MCTP2: variants seen among roughly 807,000 people sequenced by gnomAD.
The protein encoded by MCTP2 is multiple C2 and transmembrane domain-containing protein 2.
Under a neutral mutation model 111.6 loss-of-function variants are expected in MCTP2, and 132 were observed. That is an observed-to-expected ratio of 1.18 (90% CI 1.03 to 1.37). MCTP2 has a LOEUF of 1.37. Among genes scored for constraint, MCTP2 ranks in the 40% most tolerant of loss-of-function variants. MCTP2 has a pLI of 0.00. For missense variants in MCTP2, 1,183 were observed against 1,067.9 expected (o/e 1.11, Z -1.50); for synonymous variants, 395 against 387.7 (o/e 1.02, Z -0.22).
rs1322848912 is a variant in MCTP2, at chr15:94,402,035, T to A, written c.2085+16T>A. On this transcript the variant is annotated intron_variant, in intron 17 of 22. Transcript: ENST00000357742. Reference sequence around the variant, plus strand: ...AGCATTCGCGGTAAGCTTCCTTTCTTATGTTCAAACTATTTGCTTCTTATT... The same window carrying A: ...AGCATTCGCGGTAAGCTTCCTTTCTAATGTTCAAACTATTTGCTTCTTATT... The A allele has an allele frequency of 5.6e-6, 9 of 1,608,258 alleles. No individual in the cohort carries two copies. The highest frequency in any genetic ancestry group is 1.3e-5 in the African/African-American group (1 of 74,564).
chr15:94,473,679 T>C (rs927376455), intron 21 of MCTP2, among the ~76,000 whole-genome samples: 5 of 152,230 alleles, frequency 3.3e-5, no homozygotes, highest in African/African-American at 1.2e-4. Flanking sequence ...AATTTTTAGC[T>C]TTTTGCAAGA....
chr15:94,243,633 G>A lies in MCTP2; in HGVS notation c.-66+11969G>A, dbSNP rs566261030. Among the ~76,000 whole-genome samples, 5 of 147,202 alleles carry A rather than the reference G, an allele frequency of 3.4e-5. No homozygotes were observed. In the South Asian group the frequency reaches 6.4e-4, roughly 19 times the overall value. On this transcript the variant is annotated intron_variant, in intron 1 of 22. Coordinates refer to ENST00000357742, the MANE Select transcript of MCTP2 (RefSeq NM_001385001.1). Reference sequence around the variant, plus strand: ...CGCATATGTGTATATACGCATATGCGTATATACATATATATGTATACACAT... The same window carrying A: ...CGCATATGTGTATATACGCATATGCATATATACATATATATGTATACACAT...
At chr15:94,315,989 A>G (rs950320497) in intron 4 of MCTP2, among the ~76,000 whole-genome samples, 2 of 152,214 alleles carry the variant, frequency 1.3e-5, no homozygotes, top group Admixed American at 6.5e-5. Flanking sequence ...CATCCTTAGT[A>G]TAAGGTCATC....
intron 4 of MCTP2, among the ~76,000 whole-genome samples, chr15:94,331,158 C>T (rs1001272538): frequency 6.6e-5 from 10 of 152,238 alleles, no homozygotes; most frequent in African/African-American, 2.4e-4. Context: ...TGTTTTTCTT[C>T]TTCTATTTAT....
intron 12 of MCTP2, among the ~76,000 whole-genome samples, chr15:94,379,692 A>C (rs539530279): frequency 6.8e-6 from 1 of 147,462 alleles, no homozygotes; most frequent in African/African-American, 2.5e-5. Flanking sequence ...ATATATACAA[A>C]ATGTAAATAT....
At chr15:94,284,976 A>G (rs549628087) in intron 1 of MCTP2, among the ~76,000 whole-genome samples, 1 of 152,298 alleles carries the variant, frequency 6.6e-6, no homozygotes, top group African/African-American at 2.4e-5. Flanking sequence ...AATTTTGATT[A>G]ATATTTCAGG....
intron 17 of MCTP2, among the ~76,000 whole-genome samples, chr15:94,414,288 G>A (rs187474906): frequency 1.5e-4 from 23 of 152,094 alleles, no homozygotes; most frequent in Admixed American, 6.6e-4. Context: ...AGAAGAGGCA[G>A]AAAAAGAAAG....
chr15:94,343,014 A>G (rs1201598324), intron 7 of MCTP2: 2 of 145,526 alleles, frequency 1.4e-5, no homozygotes, highest in African/African-American at 5.0e-5. Flanking sequence ...ACATATATGA[A>G]TACCTATATA....
intron 1 of MCTP2, among the ~76,000 whole-genome samples, chr15:94,293,568 G>T (rs143230486): frequency 6.6e-6 from 1 of 152,310 alleles, no homozygotes; most frequent in East Asian, 1.9e-4. Context: ...CTTACTCCAG[G>T]CCACGGTCTT....
At chr15:94,297,931 T>A (rs2075349813) in intron 1 of MCTP2, among the ~76,000 whole-genome samples, 1 of 151,928 alleles carries the variant, frequency 6.6e-6, no homozygotes, top group African/African-American at 2.4e-5. Context: ...ATGAAGCATT[T>A]TTTTTTTTTG....
At chr15:94,247,209 A>G (rs1303193963) in intron 1 of MCTP2, among the ~76,000 whole-genome samples, 1 of 152,022 alleles carries the variant, frequency 6.6e-6, no homozygotes, top group Admixed American at 6.6e-5. Context: ...TTCTCCTTTG[A>G]TTGAGACATT....
chr15:94,319,036 G>GT (rs1567410982), intron 4 of MCTP2, among the ~76,000 whole-genome samples: 59 of 77,610 alleles, frequency 7.6e-4, no homozygotes, highest in East Asian at 7.4e-3. Flanking sequence ...AATTGTTCTT[G>GT]GTTTTTTTTT....
intron 1 of MCTP2, among the ~76,000 whole-genome samples, chr15:94,270,560 C>T (rs886750672): frequency 6.6e-6 from 1 of 152,110 alleles, no homozygotes; most frequent in African/African-American, 2.4e-5. Context: ...TGGTCCCCCT[C>T]TCTGGCTCTC....
At chr15:94,471,203 G>C (rs2073897180) in intron 21 of MCTP2, among the ~76,000 whole-genome samples, 1 of 152,210 alleles carries the variant, frequency 6.6e-6, no homozygotes, top group Non-Finnish European at 1.5e-5. Context: ...GAAGCAGTTA[G>C]CCGTTCTCCG....
intron 19 of MCTP2, among the ~76,000 whole-genome samples, chr15:94,450,233 A>G (rs957095395): frequency 6.6e-6 from 1 of 152,240 alleles, no homozygotes; most frequent in Admixed American, 6.5e-5. Context: ...TTTTATATTC[A>G]TTTCCCAAAG....
chr15:94,476,602 T>TGATA lies in MCTP2; in HGVS notation c.2471-92_2471-91insTAGA. 4 of 711,860 alleles carry TGATA rather than the reference T, an allele frequency of 5.6e-6. No homozygotes were observed. In the East Asian group the frequency reaches 8.6e-5, roughly 15 times the overall value. 44.1% of individuals were successfully genotyped at this position (711,860 alleles called of 1,614,324 possible). A position where few individuals can be genotyped will look rare whatever the true frequency, so the allele number is the denominator to read the frequency against. On this transcript the variant is annotated intron_variant, in intron 21 of 22. Coordinates refer to ENST00000357742, the MANE Select transcript of MCTP2 (RefSeq NM_001385001.1). Reference sequence around the variant, plus strand: ...GATGCTAGATAGATAGATGATTGACTGACAGATAGATAGATAGATAGATAG... The same window carrying TGATA: ...GATGCTAGATAGATAGATGATTGACTGATAGACAGATAGATAGATAGATAGATAG...
intron 12 of MCTP2, among the ~76,000 whole-genome samples, chr15:94,381,170 G>A (rs1213560894): frequency 1.3e-5 from 2 of 152,284 alleles, no homozygotes; most frequent in South Asian, 4.1e-4. Flanking sequence ...CATTTATTAT[G>A]AGAGATACTT....
chr15:94,353,396 T>G (rs2078424807), intron 8 of MCTP2, among the ~76,000 whole-genome samples: 1 of 152,158 alleles, frequency 6.6e-6, no homozygotes, highest in Non-Finnish European at 1.5e-5. Flanking sequence ...ATAACCAGCT[T>G]TGGATTCCAT....
At chr15:94,473,409 G>C (rs550368840) in intron 21 of MCTP2, among the ~76,000 whole-genome samples, 1 of 152,174 alleles carries the variant, frequency 6.6e-6, no homozygotes, top group East Asian at 1.9e-4. Flanking sequence ...GTAGGAGTGT[G>C]ATTTTTGAAA....
Sources: gnomAD v4.1 joint callset for allele counts (sites outside exome capture counted in the v4.1 genomes callset) on GRCh38, gnomAD v4.1.1 for gene constraint, MANE v1.5 for transcripts, NCBI Gene and HGNC (gene_info 2026-07-23, HGNC 2026-07-21) for gene names.